Variants in AGBL1 observed in about 807,000 individuals in gnomAD.
AGBL1 encodes the protein cytosolic carboxypeptidase 4.
AGBL1 carries 130 observed loss-of-function variants against 118.9 expected under a neutral mutation model. The ratio of observed to expected loss-of-function variants is 1.09; its 90% CI spans 0.95 to 1.26. AGBL1 has a LOEUF of 1.26. Among genes scored for constraint, AGBL1 ranks in the 50% most tolerant of loss-of-function variants. The pLI is 0.00. For synonymous variants in AGBL1, 555 were observed against 478.9 expected, an observed-to-expected ratio of 1.16 and a Z score of -2.08; for missense variants, 1,584 against 1,298.1, an observed-to-expected ratio of 1.22 and a Z score of -3.38.
At chr15:86,362,719 C>G (rs2080823763) in intron 17 of AGBL1, among the ~76,000 whole-genome samples, 1 of 152,188 alleles carries the variant, frequency 6.6e-6, no homozygotes, top group Non-Finnish European at 1.5e-5. Context: ...GCAGGCAGGG[C>G]TGACTCTGGA....
At chr15:86,638,977 T>A (rs2085148596) in intron 21 of AGBL1, among the ~76,000 whole-genome samples, 1 of 152,092 alleles carries the variant, frequency 6.6e-6, no homozygotes, top group African/African-American at 2.4e-5. Context: ...TTCAGTTTCT[T>A]ACTATCTGTC....
At chr15:86,201,393 C>G (rs577278274) in intron 5 of AGBL1, among the ~76,000 whole-genome samples, 1 of 152,314 alleles carries the variant, frequency 6.6e-6, no homozygotes, top group South Asian at 2.1e-4. Flanking sequence ...GACTATCATT[C>G]TTGTCTTTTA....
chr15:86,726,943 G>T (rs947323328), intron 22 of AGBL1, among the ~76,000 whole-genome samples: 1 of 152,084 alleles, frequency 6.6e-6, no homozygotes. Context: ...TAGAAACGTC[G>T]TTTTCCTCGT....
intron 5 of AGBL1, among the ~76,000 whole-genome samples, chr15:86,164,626 C>T (rs368334423): frequency 2.0e-4 from 30 of 152,290 alleles, no homozygotes; most frequent in African/African-American, 7.0e-4. Context: ...TTTGGATTCT[C>T]ACAGTGTAAT....
At chr15:86,326,657 A>G (rs537935469) in intron 17 of AGBL1, among the ~76,000 whole-genome samples, 1 of 152,284 alleles carries the variant, frequency 6.6e-6, no homozygotes, top group South Asian at 2.1e-4. Flanking sequence ...TTCAGGATTG[A>G]GGGAGGTATA....
intron 5 of AGBL1, among the ~76,000 whole-genome samples, chr15:86,198,938 G>A (rs2077860663): frequency 6.6e-6 from 1 of 152,034 alleles, no homozygotes; most frequent in South Asian, 2.1e-4. Flanking sequence ...TAAAACAGAA[G>A]TTTCTAGAAA....
intron 5 of AGBL1, among the ~76,000 whole-genome samples, chr15:86,162,706 T>C (rs1251577859): frequency 6.6e-6 from 1 of 152,240 alleles, no homozygotes; most frequent in Non-Finnish European, 1.5e-5. Context: ...CTAGTTGGTC[T>C]CACTTCACTT....
intron 1 of AGBL1, among the ~76,000 whole-genome samples, chr15:86,111,604 G>A (rs528350250): frequency 1.3e-5 from 2 of 152,296 alleles, no homozygotes; most frequent in South Asian, 4.1e-4. Context: ...GAAAAGAAGT[G>A]ACAATTTGAA....
chr15:86,303,488 A>C (rs2079787131), intron 17 of AGBL1, among the ~76,000 whole-genome samples: 1 of 152,168 alleles, frequency 6.6e-6, no homozygotes, highest in Non-Finnish European at 1.5e-5. Context: ...GAATGCCAAC[A>C]AAGAATATGT....
At chr15:86,559,937 G>A (rs538874260) in intron 21 of AGBL1, among the ~76,000 whole-genome samples, 1 of 152,190 alleles carries the variant, frequency 6.6e-6, no homozygotes, top group South Asian at 2.1e-4. Context: ...CAACAGGTGA[G>A]CCACTTAACC....
At chr15:86,637,555 C>T (rs919918059) in intron 21 of AGBL1, among the ~76,000 whole-genome samples, 12 of 152,092 alleles carry the variant, frequency 7.9e-5, no homozygotes, top group African/African-American at 2.9e-4. Flanking sequence ...TATGGGAATT[C>T]TTTGGAGCTA....
chr15:86,220,139 A>C (rs1228806453), intron 5 of AGBL1, among the ~76,000 whole-genome samples: 1 of 151,822 alleles, frequency 6.6e-6, no homozygotes, highest in Admixed American at 6.6e-5. Context: ...TTTTTAGTAG[A>C]GATGGGGTTT....
chr15:86,105,447 C>T (rs1246118722), intron 1 of AGBL1: 1 of 152,218 alleles, frequency 6.6e-6, no homozygotes, highest in Non-Finnish European at 1.5e-5. Flanking sequence ...GCCACCATCA[C>T]TAATTTAGTT....
intron 21 of AGBL1, among the ~76,000 whole-genome samples, chr15:86,609,738 C>T (rs1374824444): frequency 1.3e-5 from 2 of 152,094 alleles, no homozygotes; most frequent in Non-Finnish European, 2.9e-5. Context: ...CATGCTTTCT[C>T]AAAAAGTTAG....
chr15:86,437,035 T>C (rs2082008487), intron 18 of AGBL1, among the ~76,000 whole-genome samples: 1 of 152,098 alleles, frequency 6.6e-6, no homozygotes, highest in Admixed American at 6.5e-5. Context: ...ACTCCAAATT[T>C]CTTGGGGATT....
intron 17 of AGBL1, among the ~76,000 whole-genome samples, chr15:86,385,213 G>T (rs1338050346): frequency 2.0e-5 from 3 of 152,120 alleles, no homozygotes; most frequent in Non-Finnish European, 4.4e-5. Flanking sequence ...TATTGAAATA[G>T]TCATTTTTAC....
intron 4 of AGBL1, among the ~76,000 whole-genome samples, chr15:86,154,769 T>G (rs7169490): frequency 0.15 from 22,168 of 152,088 alleles, 2,132 homozygotes; most frequent in East Asian, 0.27. Context: ...GTAGAGCTCT[T>G]GAGTCTGCTC....
At chr15:86,816,704 C>T (rs771322307) in intron 22 of AGBL1, among the ~76,000 whole-genome samples, 5 of 152,072 alleles carry the variant, frequency 3.3e-5, no homozygotes, top group Non-Finnish European at 4.4e-5. Flanking sequence ...CCTCAGGAGG[C>T]AGAGAGAAGA....
chr15:86,215,889 G>C (rs571355789), intron 5 of AGBL1, among the ~76,000 whole-genome samples: 36 of 152,220 alleles, frequency 2.4e-4, no homozygotes, highest in African/African-American at 8.4e-4. Context: ...GGTGAAAAAT[G>C]ATACTTGTGT....
Sources: allele counts gnomAD v4.1 joint callset (sites outside exome capture counted in the v4.1 genomes callset), GRCh38; gene constraint gnomAD v4.1.1; transcripts MANE v1.5; gene names NCBI Gene and HGNC (gene_info 2026-07-23, HGNC 2026-07-21).